RFX3: variants seen among roughly 807,000 people sequenced by gnomAD.
RFX3 encodes transcription factor RFX3.
RFX3 carries 14 observed loss-of-function variants against 98.6 expected under a neutral mutation model. The observed-to-expected ratio is 0.14, with a 90% CI of 0.09 to 0.22. RFX3 has a LOEUF of 0.22. Among genes scored for constraint, RFX3 ranks in the 10% least tolerant of loss-of-function variants. RFX3 has a pLI of 1.00. For missense variants in RFX3, 639 were observed against 926.9 expected (o/e 0.69, Z 4.03); for synonymous variants, 383 against 328.4 (o/e 1.17, Z -1.80).
intron 12 of RFX3, 68 bp from the exon 13 acceptor site, chr9:3,263,152 A>G (rs1823144033): frequency 1.9e-6 from 3 of 1,539,212 alleles, no homozygotes; most frequent in Non-Finnish European, 2.7e-6. Context: ...CAATTTTCAA[A>G]TCTTCTTTCC....
intron 2 of RFX3, among the ~76,000 whole-genome samples, chr9:3,377,798 GTATATATGT>G (rs1178890845): frequency 6.6e-6 from 1 of 152,086 alleles, no homozygotes; most frequent in East Asian, 1.9e-4. Context: ...GTTTATACAG[GTATATATGT>G]TTGCCAAAAC....
intron 1 of RFX3, among the ~76,000 whole-genome samples, chr9:3,408,302 G>A (rs1012656963): frequency 6.6e-6 from 1 of 152,092 alleles, no homozygotes; most frequent in Non-Finnish European, 1.5e-5. Context: ...ACTGTTCAGG[G>A]TAATAAAGCC....
At chr9:3,398,546 T>G (rs1029942907) in intron 1 of RFX3, among the ~76,000 whole-genome samples, 3 of 152,170 alleles carry the variant, frequency 2.0e-5, no homozygotes, top group Non-Finnish European at 4.4e-5. Context: ...AGATGGCTGG[T>G]GGCCTCTGTC....
chr9:3,230,140 T>C (rs1818281277), intron 15 of RFX3, among the ~76,000 whole-genome samples: 1 of 152,186 alleles, frequency 6.6e-6, no homozygotes, highest in African/African-American at 2.4e-5. Context: ...AAAATTAAAT[T>C]CACCTCTGCC....
intron 1 of RFX3, among the ~76,000 whole-genome samples, chr9:3,504,949 AAT>A (rs1283885938): frequency 8.9e-4 from 21 of 23,502 alleles, no homozygotes; most frequent in African/African-American, 2.4e-3. Context: ...TATATAATAT[AAT>A]ATATATTATA....
intron 9 of RFX3, 32 bp downstream of exon 9, chr9:3,275,468 C>T: frequency 8.2e-7 from 1 of 1,221,312 alleles, no homozygotes; most frequent in South Asian, 1.2e-5. Context: ...CAAAACCTAG[C>T]ATGTGTTCAT....
intron 15 of RFX3, among the ~76,000 whole-genome samples, chr9:3,229,862 T>C (rs1036327904): frequency 1.3e-5 from 2 of 152,194 alleles, no homozygotes; most frequent in African/African-American, 2.4e-5. Flanking sequence ...GGTTTGTCTA[T>C]AAAGTAATAA....
rs953285937 is a variant in RFX3 at position 3,387,294 on chromosome 9, A to C, written c.117+8178T>G. On this transcript the variant is annotated intron_variant, in intron 2 of 16. Transcript: ENST00000617270. ...GTCAAATTTTCTTAGAAACCCCAGCATTTAACATAGTGCCTGGCACATTCC... is the reference window on the plus strand; with the variant it reads ...GTCAAATTTTCTTAGAAACCCCAGCCTTTAACATAGTGCCTGGCACATTCC... Among the ~76,000 whole-genome samples, 26 of 152,182 alleles carry C rather than the reference A, an allele frequency of 1.7e-4. 3 individuals carry two copies. Among genetic ancestry groups the C allele is most frequent in the Admixed American group, 1.4e-3 (21 of 15,266 alleles).
intron 4 of RFX3, among the ~76,000 whole-genome samples, chr9:3,305,232 G>A (rs1478323070): frequency 6.6e-6 from 1 of 152,048 alleles, no homozygotes; most frequent in Non-Finnish European, 1.5e-5. Flanking sequence ...GGAGTGGTAT[G>A]AGTGAGGCTG....
chr9:3,331,992 T>G (rs1028121363), intron 3 of RFX3, among the ~76,000 whole-genome samples: 4 of 152,298 alleles, frequency 2.6e-5, no homozygotes, highest in African/African-American at 9.6e-5. Context: ...TCTTCCACAC[T>G]TCCGCTTCTC....
chr9:3,418,063 A>G (rs888973761), intron 1 of RFX3, among the ~76,000 whole-genome samples: 1 of 152,178 alleles, frequency 6.6e-6, no homozygotes, highest in Non-Finnish European at 1.5e-5. Context: ...TAAATTTTCT[A>G]TATTTCACAT....
At chr9:3,332,696 C>T (rs180863050) in intron 3 of RFX3, among the ~76,000 whole-genome samples, 95 of 152,266 alleles carry the variant, frequency 6.2e-4, no homozygotes, top group African/African-American at 2.2e-3. Flanking sequence ...ATCAGGGGGT[C>T]GTGCCTACAT....
intron 1 of RFX3, among the ~76,000 whole-genome samples, chr9:3,505,909 G>A (rs1369644254): frequency 6.6e-6 from 1 of 151,658 alleles, no homozygotes; most frequent in Non-Finnish European, 1.5e-5. Flanking sequence ...AAGGGCAGAG[G>A]CCCTTGAAGA....
chr9:3,403,577 T>C (rs542159162), intron 1 of RFX3, among the ~76,000 whole-genome samples: 1 of 152,306 alleles, frequency 6.6e-6, no homozygotes, highest in African/African-American at 2.4e-5. Flanking sequence ...TTTTCAAAGG[T>C]GTTCTCTTAA....
At chr9:3,310,010 C>T (rs1197672569) in intron 4 of RFX3, among the ~76,000 whole-genome samples, 1 of 152,144 alleles carries the variant, frequency 6.6e-6, no homozygotes, top group East Asian at 1.9e-4. Context: ...CTTTGTGTGA[C>T]CGTCTTTTAG....
intron 3 of RFX3, among the ~76,000 whole-genome samples, chr9:3,339,268 T>C (rs139938685): frequency 4.6e-5 from 7 of 152,212 alleles, no homozygotes; most frequent in African/African-American, 1.7e-4. Flanking sequence ...TCAGTACATA[T>C]ATGAGTCACT....
chr9:3,239,871 C>A (rs1819686715), intron 15 of RFX3, among the ~76,000 whole-genome samples: 1 of 152,220 alleles, frequency 6.6e-6, no homozygotes, highest in African/African-American at 2.4e-5. Flanking sequence ...TTATCTGAGA[C>A]CCTAGAATTC....
intron 7 of RFX3, among the ~76,000 whole-genome samples, chr9:3,281,974 A>G (rs1188580556): frequency 1.3e-5 from 2 of 151,860 alleles, no homozygotes; most frequent in Non-Finnish European, 2.9e-5. Context: ...TGAAAAATGC[A>G]CATGCAAACA....
chr9:3,511,375 T>C (rs988410183), intron 1 of RFX3, among the ~76,000 whole-genome samples: 12 of 152,004 alleles, frequency 7.9e-5, no homozygotes, highest in African/African-American at 2.7e-4. Context: ...CTATAGATTT[T>C]AGAATTGTAA....
Sources: allele counts gnomAD v4.1 joint callset (sites outside exome capture counted in the v4.1 genomes callset), GRCh38; gene constraint gnomAD v4.1.1; transcripts MANE v1.5; gene names NCBI Gene and HGNC (gene_info 2026-07-23, HGNC 2026-07-21).